Variants in QRICH2 observed in about 807,000 individuals in gnomAD.
QRICH2 encodes the protein glutamine rich 2.
In QRICH2, 119 loss-of-function variants were observed where a neutral mutation model predicts 168.3. That is an observed-to-expected ratio of 0.71 (90% confidence interval 0.61 to 0.82). The LOEUF (loss-of-function observed/expected upper bound fraction) is 0.82, where lower values mean the gene tolerates loss of function less well. Among genes scored for constraint, QRICH2 ranks in the 40% least tolerant of loss-of-function variants. QRICH2 has a pLI of 0.00. For missense variants in QRICH2, 2,241 were observed against 2,491.6 expected (o/e 0.90, Z 2.14); for synonymous variants, 894 against 951.2 (o/e 0.94, Z 1.11).
rs550947218 is a variant in QRICH2 at position 76,291,376 on chromosome 17, C to T, written c.3351G>A (p.Gly1117=). The stretch of plus-strand genomic sequence containing the variant: ...GGCCATGCTGATCAGCACTTAGATA[C>T]CCTGGGCCACGATAACCAGGATACA... ...DSMYPGYRGP[G]YLSADQHGQE... Residue 1117 remains glycine, a synonymous_variant, in exon 4 of 19, where the codon GGG becomes GGA. Transcript: ENST00000680821. The T allele has an allele frequency of 1.9e-6, 3 of 1,614,076 alleles. No individual in the cohort carries two copies. The South Asian group carries it at 3.3e-5, about 18-fold the overall frequency.
intron 13 of QRICH2, 47 bp downstream of exon 13, chr17:76,279,316 C>A: frequency 6.6e-7 from 1 of 1,524,866 alleles, no homozygotes; most frequent in Non-Finnish European, 9.0e-7. Context: ...AGGGAGGAGA[C>A]GCAGCCCTGC....
chr17:76,286,770 G>T (rs2070891450), intron 7 of QRICH2, among the ~76,000 whole-genome samples: 1 of 151,632 alleles, frequency 6.6e-6, no homozygotes, highest in Admixed American at 6.6e-5. Flanking sequence ...GGCTACTCAG[G>T]AGGCTGAGGC....
intron 15 of QRICH2, among the ~76,000 whole-genome samples, 168 bp from the exon 16 acceptor site, chr17:76,277,478 C>G (rs1048220272): frequency 2.0e-5 from 3 of 152,060 alleles, no homozygotes; most frequent in African/African-American, 7.2e-5. Flanking sequence ...GTAGAGCAGC[C>G]GTGAGGCCGG....
Position 76,281,765 on chromosome 17 carries a change from C to A in QRICH2, c.4263+99G>T. 6.7e-7 allele frequency: 1 copy of A among 1,483,242 alleles called. No homozygotes were observed. Among genetic ancestry groups the A allele is most frequent in the Non-Finnish European group, 9.2e-7 (1 of 1,085,570 alleles). The allele number at this position is 1,483,242 out of a possible 1,614,324, so 91.9% of individuals were successfully genotyped here. A position where few individuals can be genotyped will look rare whatever the true frequency, so the allele number is the denominator to read the frequency against. On this transcript the variant is annotated intron_variant, in intron 8 of 18. Coordinates refer to ENST00000680821, the MANE Select transcript of QRICH2 (RefSeq NM_001388453.1). The surrounding 1 kb of genome is among the most constrained non-coding windows in gnomAD (Gnocchi z 4.4). Reference sequence around the variant, plus strand: ...CCGCCACGGAGAGCTGACCTTGAGGCCCAAACACCCGCCCCACTTCTGTGG... The same window carrying A: ...CCGCCACGGAGAGCTGACCTTGAGGACCAAACACCCGCCCCACTTCTGTGG...
At chr17:76,297,880 T>TTGTTTTGTTTTTTG (rs1568123617) in intron 3 of QRICH2, among the ~76,000 whole-genome samples, 2 of 138,528 alleles carry the variant, frequency 1.4e-5, no homozygotes, top group African/African-American at 5.4e-5. Context: ...GTTTTTTTTT[T>TTGTTTTGTTTTTTG]TTTTTTTTTT....
rs923290198 is a variant in QRICH2 at position 76,307,992 on chromosome 17, G to A, written c.7C>T (p.Pro3Ser). The stretch of plus-strand genomic sequence containing the variant: ...TCCCGGAGGGAGACCGTGGTCGCGG[G>A]CGGCATCGTGGCTGTCAGGAGCTGT... MPPATTVSLRELA... is the reference protein window; with the variant it reads MPSATTVSLRELA... The change falls in exon 1 of 19, where the codon CCC (proline) becomes TCC (serine). Residue 3 changes from proline to serine, a missense_variant. By Grantham distance (74) the Pro-to-Ser change is moderately conservative. Transcript: ENST00000680821. This position sits in a 1 kb window ranked among gnomAD's most constrained non-coding sequence, Gnocchi z 5.3. 6 of 1,233,060 alleles carry A rather than the reference G, an allele frequency of 4.9e-6. No individual in the cohort carries two copies. The highest frequency in any genetic ancestry group is 1.5e-5 in the African/African-American group (1 of 64,520). The allele number at this position is 1,233,060 out of a possible 1,614,324, so 76.4% of individuals were successfully genotyped here. A position where few individuals can be genotyped will look rare whatever the true frequency, so the allele number is the denominator to read the frequency against.
rs2071001007 is a variant in QRICH2, at chr17:76,291,935, A to C, written c.2792T>G (p.Leu931Arg). 6.2e-7 allele frequency: 1 copy of C among 1,614,236 alleles called. No homozygotes were observed. Among genetic ancestry groups the C allele is most frequent in the Admixed American group, 1.7e-5 (1 of 60,016 alleles). Residue 931 changes from leucine (L) to arginine (R), a missense_variant, in exon 4 of 19, where the codon CTG (leucine) becomes CGG (arginine). This residue lies in a region of QRICH2 where 2,047 missense variants were observed against 2,303.8 expected (regional missense o/e 0.89). Coordinates refer to ENST00000680821, the MANE Select transcript of QRICH2 (RefSeq NM_001388453.1). Reference sequence around the variant, plus strand: ...AAGAGGATAGGCACCAGGTTGTACCAGGCCATGTGGATCTGCCTGAGGTTG... The same window carrying C: ...AAGAGGATAGGCACCAGGTTGTACCCGGCCATGTGGATCTGCCTGAGGTTG... ...MVQPQADPHG[L>R]VQPGAYPLGL...
intron 7 of QRICH2, among the ~76,000 whole-genome samples, chr17:76,283,152 G>T (rs984200776): frequency 6.6e-6 from 1 of 152,188 alleles, no homozygotes; most frequent in Middle Eastern, 3.2e-3. Context: ...AGAAGAGCCT[G>T]CCCGGAGGCA....
chr17:76,304,840 G>T, intron 2 of QRICH2, 42 bp downstream of exon 2: 1 of 1,431,090 alleles, frequency 7.0e-7, no homozygotes, highest in Non-Finnish European at 9.9e-7. Context: ...GAGACGGCCA[G>T]CCCCCTGGAG....
At position 76,290,036 on chromosome 17, in the gene QRICH2, T is replaced by C. The variant is rs1334242721; in HGVS notation, c.3754A>G (p.Thr1252Ala). 1 of 1,612,358 alleles carries C rather than the reference T, an allele frequency of 6.2e-7. No individual in the cohort carries two copies. Among genetic ancestry groups the C allele is most frequent in the Non-Finnish European group, 8.5e-7 (1 of 1,179,036 alleles). ...ACTTCTTTGGCTAGCGTCTTTACGG[T>C]CTTCAGCTGCTCCTGCAGTTCAGGA... Reference protein sequence around the residue: ...IPPELQEQLKTVKTLAKEVWQ... With the variant: ...IPPELQEQLKAVKTLAKEVWQ... Residue 1252 changes from threonine (T) to alanine (A), a missense_variant, in exon 5 of 19, where the codon ACC (threonine) becomes GCC (alanine). By Grantham distance (58) the Thr-to-Ala change is moderately conservative. This residue lies in a region of QRICH2 where 2,047 missense variants were observed against 2,303.8 expected (regional missense o/e 0.89). Coordinates refer to ENST00000680821, the MANE Select transcript of QRICH2 (RefSeq NM_001388453.1).
Position 76,291,681 on chromosome 17 carries a change from TG to T in QRICH2, c.3045del (p.Arg1016GlufsTer11). ...RPYQHGMVPP[G>X]REQYGQVSPL... is the part of the protein sequence containing the mutation. ...GGTGACACCTGGCCGTATTGTTCTCTGCCAGGAGGTACCATACCATGTTGAT... is the reference window on the plus strand; with the variant it reads ...GGTGACACCTGGCCGTATTGTTCTCTCCAGGAGGTACCATACCATGTTGAT... On this transcript the variant is annotated frameshift_variant, in exon 4 of 19. Coordinates refer to ENST00000680821, the MANE Select transcript of QRICH2 (RefSeq NM_001388453.1). LOFTEE classifies it high-confidence loss of function. 1 of 1,614,192 alleles carries T rather than the reference TG, an allele frequency of 6.2e-7. No individual in the cohort carries two copies. Among genetic ancestry groups the T allele is most frequent in the Non-Finnish European group, 8.5e-7 (1 of 1,180,012 alleles).
In QRICH2 at chr17:76,307,379, C is replaced by T. The variant is rs940424318; in HGVS notation, c.534+86G>A. ...CCTCCGTCCCCACCACCGCTCACCC[C>T]TCCAGGGTGGTGGGGACTCGGCTAG... On this transcript the variant is annotated intron_variant, in intron 1 of 18. Transcript: ENST00000680821. The surrounding 1 kb of genome is among the most constrained non-coding windows in gnomAD (Gnocchi z 5.3). 7.5e-6 allele frequency: 11 copies of T among 1,464,718 alleles called. No homozygotes were observed. In the African/African-American group the frequency reaches 1.4e-4, roughly 18 times the overall value. 90.7% of individuals were successfully genotyped at this position (1,464,718 alleles called of 1,614,324 possible).
chr17:76,291,007 G>A lies in QRICH2; in HGVS notation c.3712+8C>T. The stretch of plus-strand genomic sequence containing the variant: ...ATGGTTTCTCCTCTATCGGCAAGCG[G>A]CACCCACCCATCTGTGCCAGCAGGA... On this transcript the variant is annotated splice_region_variant and intron_variant, in intron 4 of 18. Coordinates refer to ENST00000680821, the MANE Select transcript of QRICH2 (RefSeq NM_001388453.1). 6.2e-7 allele frequency: 1 copy of A among 1,606,968 alleles called. No individual in the cohort carries two copies. The highest frequency in any genetic ancestry group is 8.5e-7 in the Non-Finnish European group (1 of 1,174,494).
At chr17:76,290,922 T>TA in intron 4 of QRICH2, 93 bp downstream of exon 4, 1 of 1,532,766 alleles carries the variant, frequency 6.5e-7, no homozygotes, top group Non-Finnish European at 8.8e-7. Flanking sequence ...GGGAGATGTG[T>TA]AGCAGCCAGG....
intron 18 of QRICH2, 52 bp downstream of exon 18, chr17:76,275,767 G>C (rs980433113): frequency 6.3e-7 from 1 of 1,585,426 alleles, no homozygotes; most frequent in Non-Finnish European, 8.5e-7. Context: ...AAAGGGGGCC[G>C]GCAGGGCCAG....
chr17:76,293,079 A>G lies in QRICH2; in HGVS notation c.1648T>C (p.Phe550Leu), dbSNP rs1480536740. ...GTTGCTTCCAAACTGGGCTGCACAA[A>G]ACCTTGCTGATCTGCACTAATTGGC... is the stretch of plus-strand genomic sequence containing the variant. ...LMPISADQQG[F>L]VQPSLEATGF... The change falls in exon 4 of 19, where the codon TTT becomes CTT. Residue 550 changes from phenylalanine (F) to leucine (L), a missense_variant. By Grantham distance (22) the Phe-to-Leu change is conservative. Around this residue, in one of 3 missense-constraint regions of QRICH2, gnomAD observed 2,047 missense variants for 2,303.8 expected, o/e 0.89. Coordinates refer to ENST00000680821, the MANE Select transcript of QRICH2 (RefSeq NM_001388453.1). 1.9e-6 allele frequency: 3 copies of G among 1,614,074 alleles called. No homozygotes were observed. The highest frequency in any genetic ancestry group is 2.2e-5 in the East Asian group (1 of 44,896).
intron 12 of QRICH2, 102 bp downstream of exon 12, chr17:76,279,929 CCG>C: frequency 7.4e-7 from 1 of 1,359,276 alleles, no homozygotes; most frequent in South Asian, 1.4e-5. Context: ...TGGGCAGGAT[CCG>C]CTGTGTGCTG....
At chr17:76,284,192 A>G (rs1436110010) in intron 7 of QRICH2, among the ~76,000 whole-genome samples, 1 of 129,816 alleles carries the variant, frequency 7.7e-6, no homozygotes, top group African/African-American at 3.7e-5. Context: ...AAAAAAAAAA[A>G]AAAATGCACA....
rs2071013975 is a variant in QRICH2 at position 76,307,755 on chromosome 17, CCTTGGGCACCT to C, written c.233_243del (p.Glu78GlyfsTer60). The C allele has an allele frequency of 2.9e-6, 4 of 1,378,400 alleles. No homozygotes were observed. In the African/African-American group the frequency reaches 6.0e-5, roughly 21 times the overall value. 85.4% of individuals were successfully genotyped at this position (1,378,400 alleles called of 1,614,324 possible). A position where few individuals can be genotyped will look rare whatever the true frequency, so the allele number is the denominator to read the frequency against. On this transcript the variant is annotated frameshift_variant, in exon 1 of 19. Coordinates refer to ENST00000680821, the MANE Select transcript of QRICH2 (RefSeq NM_001388453.1). LOFTEE classifies it high-confidence loss of function. This position sits in a 1 kb window ranked among gnomAD's most constrained non-coding sequence, Gnocchi z 5.3. ...CCCCTGCGCTTCTCCCGGGGCGCCC[CCTTGGGCACCT>C]CCTTGGGCGCGGGCAGGTGCGGGAT... is the stretch of plus-strand genomic sequence containing the variant.
Sources: allele counts gnomAD v4.1 joint callset (sites outside exome capture counted in the v4.1 genomes callset), GRCh38; gene constraint gnomAD v4.1.1; regional missense constraint gnomAD v4.1.1; non-coding constraint Gnocchi (gnomAD v3.1); transcripts MANE v1.5; gene names NCBI Gene and HGNC (gene_info 2026-07-23, HGNC 2026-07-21).